The following NELL1 variants were observed in gnomAD, a reference collection of about 807,000 sequenced individuals.
NELL1 encodes neural EGFL like 1.
Under a neutral mutation model 107.4 loss-of-function variants are expected in NELL1, and 76 were observed. The ratio of observed to expected loss-of-function variants is 0.71; its 90% confidence interval spans 0.59 to 0.86. The LOEUF (loss-of-function observed/expected upper bound fraction) is 0.86. Among genes scored for constraint, NELL1 ranks in the 40% least tolerant of loss-of-function variants. The pLI is 0.00. For missense variants in NELL1, 1,024 were observed against 1,005.5 expected, an observed-to-expected ratio of 1.02 and a Z score of -0.25; for synonymous variants, 353 against 341.2, an observed-to-expected ratio of 1.03 and a Z score of -0.38.
chr11:21,028,825 C>A (rs1852883585), intron 12 of NELL1, among the ~76,000 whole-genome samples: 1 of 152,070 alleles, frequency 6.6e-6, no homozygotes, highest in African/African-American at 2.4e-5. Flanking sequence ...ATTAGCTGGG[C>A]AGTTTTTATT....
intron 12 of NELL1, among the ~76,000 whole-genome samples, chr11:21,101,254 T>C (rs1004298334): frequency 3.9e-5 from 6 of 152,176 alleles, no homozygotes; most frequent in African/African-American, 1.4e-4. Flanking sequence ...GACATAAGGG[T>C]TGGTTCCAGG....
intron 15 of NELL1, among the ~76,000 whole-genome samples, chr11:21,483,660 A>G (rs2133903432): frequency 6.6e-6 from 1 of 152,030 alleles, no homozygotes; most frequent in South Asian, 2.1e-4. Flanking sequence ...CCTAGAAAAT[A>G]GTGTGAAATA....
intron 15 of NELL1, among the ~76,000 whole-genome samples, chr11:21,487,416 T>A (rs1443646543): frequency 2.0e-5 from 3 of 152,106 alleles, no homozygotes; most frequent in Non-Finnish European, 4.4e-5. Context: ...TTAGGGAATT[T>A]ATCACCACAA....
intron 10 of NELL1, among the ~76,000 whole-genome samples, chr11:20,939,294 G>A (rs1308516802): frequency 1.3e-4 from 20 of 151,892 alleles, no homozygotes; most frequent in Admixed American, 9.2e-4. Flanking sequence ...CCTGGCTAAC[G>A]TAGGTAAAAA....
intron 12 of NELL1, among the ~76,000 whole-genome samples, chr11:21,061,581 A>G (rs1173322163): frequency 7.2e-5 from 11 of 152,204 alleles, no homozygotes; most frequent in East Asian, 1.9e-4. Flanking sequence ...GGGATTTGCT[A>G]TAAGGATTAG....
intron 13 of NELL1, among the ~76,000 whole-genome samples, chr11:21,215,715 G>T (rs936773051): frequency 2.6e-5 from 4 of 152,182 alleles, no homozygotes; most frequent in Non-Finnish European, 5.9e-5. Context: ...CTCTGCCCTA[G>T]AGATCTTTGG....
intron 4 of NELL1, among the ~76,000 whole-genome samples, chr11:20,857,628 G>A (rs1423134847): frequency 6.6e-6 from 1 of 152,202 alleles, no homozygotes; most frequent in Admixed American, 6.5e-5. Flanking sequence ...GGCAGAGTTG[G>A]ATGGGTGTTT....
chr11:20,840,014 A>G (rs1183437438), intron 3 of NELL1, among the ~76,000 whole-genome samples: 1 of 152,238 alleles, frequency 6.6e-6, no homozygotes, highest in Non-Finnish European at 1.5e-5. Flanking sequence ...AAGAAAAATA[A>G]TAGATTAATG....
chr11:21,384,483 A>G (rs112385249), intron 15 of NELL1, among the ~76,000 whole-genome samples: 37 of 151,614 alleles, frequency 2.4e-4, no homozygotes, highest in African/African-American at 8.7e-4. Context: ...TTTAGGGTAC[A>G]TGTGCAAAAT....
intron 14 of NELL1, among the ~76,000 whole-genome samples, chr11:21,283,245 C>T (rs1849037702): frequency 6.6e-6 from 1 of 152,100 alleles, no homozygotes; most frequent in African/African-American, 2.4e-5. Context: ...GATTATTATG[C>T]ATTGCATGCC....
intron 13 of NELL1, among the ~76,000 whole-genome samples, chr11:21,210,035 T>G (rs1857467244): frequency 6.6e-6 from 1 of 152,216 alleles, no homozygotes; most frequent in South Asian, 2.1e-4. Flanking sequence ...ATTTTGAGGT[T>G]CGTCTATGAA....
chr11:21,448,492 T>C (rs1462366364), intron 15 of NELL1, among the ~76,000 whole-genome samples: 1 of 152,202 alleles, frequency 6.6e-6, no homozygotes, highest in African/African-American at 2.4e-5. Context: ...ATAATATAGA[T>C]TAAATACAGG....
At chr11:21,225,547 A>T (rs1194376711) in intron 13 of NELL1, among the ~76,000 whole-genome samples, 1 of 152,156 alleles carries the variant, frequency 6.6e-6, no homozygotes, top group Non-Finnish European at 1.5e-5. Flanking sequence ...TCTCTACTGA[A>T]TCCCAGTATT....
At chr11:21,433,413 T>C (rs559042797) in intron 15 of NELL1, among the ~76,000 whole-genome samples, 1 of 152,304 alleles carries the variant, frequency 6.6e-6, no homozygotes, top group Non-Finnish European at 1.5e-5. Flanking sequence ...GAATGCTGGG[T>C]CATAGGTAGT....
intron 15 of NELL1, among the ~76,000 whole-genome samples, chr11:21,510,496 A>T (rs1855408608): frequency 6.6e-6 from 1 of 152,142 alleles, no homozygotes; most frequent in Non-Finnish European, 1.5e-5. Context: ...GTTGGGCTGA[A>T]AAATAAACAT....
chr11:20,827,849 T>G, intron 3 of NELL1, among the ~76,000 whole-genome samples: 1 of 151,206 alleles, frequency 6.6e-6, no homozygotes, highest in Non-Finnish European at 1.5e-5. Flanking sequence ...GGGGGAGTGA[T>G]GAGGTTGTGC....
chr11:21,421,047 C>T (rs900635570), intron 15 of NELL1, among the ~76,000 whole-genome samples: 2 of 151,760 alleles, frequency 1.3e-5, no homozygotes, highest in Admixed American at 6.6e-5. Context: ...GAAGAAAATG[C>T]CAAGGAAAAG....
chr11:20,965,344 T>C (rs998281177), intron 12 of NELL1, among the ~76,000 whole-genome samples: 1 of 152,220 alleles, frequency 6.6e-6, no homozygotes, highest in African/African-American at 2.4e-5. Flanking sequence ...ATCACAGTTA[T>C]TATTACCATT....
chr11:20,801,930 C>T (rs751173955), intron 3 of NELL1, among the ~76,000 whole-genome samples: 2 of 152,112 alleles, frequency 1.3e-5, no homozygotes, highest in East Asian at 3.9e-4. Context: ...CTATTCTGTT[C>T]CATTGGTCTA....
Sources: allele counts gnomAD v4.1 joint callset (sites outside exome capture counted in the v4.1 genomes callset), GRCh38; gene constraint gnomAD v4.1.1; transcripts MANE v1.5; gene names NCBI Gene and HGNC (gene_info 2026-07-23, HGNC 2026-07-21).